The following LITAF variants were observed in gnomAD, a reference collection of about 807,000 sequenced individuals.
LITAF encodes lipopolysaccharide induced TNF factor.
A neutral mutation model predicts 14.5 loss-of-function variants in LITAF; 9 were observed. The observed-to-expected ratio is 0.62, with a 90% CI of 0.37 to 1.08. The LOEUF (loss-of-function observed/expected upper bound fraction) is 1.08, where lower values mean the gene tolerates loss of function less well. Among genes scored for constraint, LITAF ranks in the 50% least tolerant of loss-of-function variants. LITAF has a pLI of 0.01. For synonymous variants in LITAF, 98 were observed against 88.2 expected (o/e 1.11, Z -0.62); for missense variants, 206 against 213.4 (o/e 0.97, Z 0.22).
upstream of LITAF, among the ~76,000 whole-genome samples, chr16:11,638,513 C>T (rs2141917519): frequency 6.6e-6 from 1 of 151,784 alleles, no homozygotes; most frequent in African/African-American, 2.4e-5. Flanking sequence ...CCAGCCTGAC[C>T]AACATGATGA....
chr16:11,597,220 C>A (rs1023167427), intron 1 of LITAF, among the ~76,000 whole-genome samples: 1 of 152,130 alleles, frequency 6.6e-6, no homozygotes, highest in Non-Finnish European at 1.5e-5. Flanking sequence ...CCACAATAAA[C>A]AAGTACCCTG....
chr16:11,622,968 A>G (rs1290983509), intron 3 of LITAF, among the ~76,000 whole-genome samples: 2 of 79,194 alleles, frequency 2.5e-5, no homozygotes, highest in Non-Finnish European at 5.8e-5. Flanking sequence ...ATATATATAT[A>G]TATAATTTTT....
chr16:11,618,982 T>TA (rs1411165936), intron 3 of LITAF, among the ~76,000 whole-genome samples: 2,905 of 120,910 alleles, frequency 0.024, 84 homozygotes, highest in African/African-American at 0.1. Flanking sequence ...GACTCGGTCT[T>TA]AAAAAAAAAA....
chr16:11,588,343 T>A (rs957274796), upstream of LITAF, among the ~76,000 whole-genome samples: 9 of 151,906 alleles, frequency 5.9e-5, no homozygotes, highest in African/African-American at 1.9e-4. Context: ...AAAATTTTTT[T>A]AATTAAAAGA....
Position 11,549,641 on chromosome 16 carries a change from A to G in LITAF, c.482T>C (p.Leu161Ser). ...CCCTCCACGTCTGGCTGAGTCCTAC[A>G]AACGCTTGTAGGTGCCCAGGAGAGC... is the stretch of plus-strand genomic sequence containing the variant. ...CRALLGTYKR[L>S] The change falls in exon 4 of 4, where the codon TTG (leucine) becomes TCG (serine). Residue 161 changes from leucine (L) to serine (S), a missense_variant. Coordinates refer to ENST00000622633, the MANE Select transcript of LITAF (RefSeq NM_001136472.2). This position sits in a 1 kb window ranked among gnomAD's most constrained non-coding sequence, Gnocchi z 4.6. 1 of 1,612,454 alleles carries G rather than the reference A, an allele frequency of 6.2e-7. No homozygotes were observed. The highest frequency in any genetic ancestry group is 1.7e-4 in the Middle Eastern group (1 of 6,060).
At chr16:11,596,761 G>A (rs1230039393) in intron 1 of LITAF, among the ~76,000 whole-genome samples, 1 of 100,694 alleles carries the variant, frequency 9.9e-6, no homozygotes, top group Non-Finnish European at 2.0e-5. Context: ...GAGAAGAAGG[G>A]AGAGGAGGAG....
intron 1 of LITAF, among the ~76,000 whole-genome samples, chr16:11,597,435 C>G (rs976819661): frequency 3.3e-5 from 5 of 152,106 alleles, no homozygotes; most frequent in Non-Finnish European, 7.4e-5. Context: ...ACATAGGCCA[C>G]CAGACTCCTC....
chr16:11,591,847 C>G (rs2064848518), upstream of LITAF, among the ~76,000 whole-genome samples: 1 of 152,108 alleles, frequency 6.6e-6, no homozygotes. Context: ...CCTTGGCCTC[C>G]CAAAGTGCTG....
intron 2 of LITAF, among the ~76,000 whole-genome samples, chr16:11,555,094 A>G (rs2141709492): frequency 6.6e-6 from 1 of 152,136 alleles, no homozygotes; most frequent in African/African-American, 2.4e-5. Context: ...GTGCAGGGGT[A>G]CAATCATAGC....
chr16:11,615,447 G>A (rs1567264357), intron 3 of LITAF, among the ~76,000 whole-genome samples: 1 of 152,162 alleles, frequency 6.6e-6, no homozygotes, highest in Non-Finnish European at 1.5e-5. Context: ...TGAGGCAGGA[G>A]AATCGCTTGA....
At chr16:11,622,618 A>G (rs956207087) in intron 3 of LITAF, among the ~76,000 whole-genome samples, 7 of 152,224 alleles carry the variant, frequency 4.6e-5, no homozygotes, top group African/African-American at 1.7e-4. Flanking sequence ...GCACCGTTTA[A>G]CAGGGTTATT....
chr16:11,579,436 C>T (rs887202738), intron 1 of LITAF, among the ~76,000 whole-genome samples: 2 of 149,268 alleles, frequency 1.3e-5, no homozygotes, highest in Admixed American at 6.7e-5. Flanking sequence ...CCGGCCTGGG[C>T]GACAGAGCGA....
intron 3 of LITAF, among the ~76,000 whole-genome samples, chr16:11,618,331 C>T (rs149893757): frequency 5.9e-5 from 9 of 152,192 alleles, no homozygotes; most frequent in Non-Finnish European, 1.2e-4. Flanking sequence ...CCTGGCAAGG[C>T]GGGAGGAGAG....
At chr16:11,587,845 G>A (rs552912082), upstream of LITAF, among the ~76,000 whole-genome samples, 7 of 152,298 alleles carry the variant, frequency 4.6e-5, no homozygotes, top group South Asian at 1.4e-3. Context: ...AGTACACAGA[G>A]TCAGGAGATG....
chr16:11,629,839 C>G (rs974869333), intron 3 of LITAF, among the ~76,000 whole-genome samples: 14 of 152,146 alleles, frequency 9.2e-5, no homozygotes, highest in African/African-American at 3.4e-4. Flanking sequence ...TACGGATTAA[C>G]AAGGCCATGT....
chr16:11,597,999 T>C (rs1281814995), intron 1 of LITAF, among the ~76,000 whole-genome samples: 2 of 152,132 alleles, frequency 1.3e-5, no homozygotes, highest in African/African-American at 2.4e-5. Context: ...CTCTACCTCC[T>C]GAGCACAGCA....
intron 3 of LITAF, among the ~76,000 whole-genome samples, chr16:11,614,605 C>T (rs34323553): frequency 0.5 from 74,882 of 149,808 alleles, 19,537 homozygotes; most frequent in African/African-American, 0.66. Context: ...CAGGCTTTTT[C>T]TGGTTTTTTT....
intron 1 of LITAF, among the ~76,000 whole-genome samples, chr16:11,572,780 A>G (rs891666060): frequency 6.6e-6 from 1 of 152,212 alleles, no homozygotes; most frequent in African/African-American, 2.4e-5. Context: ...AAAACTGGTG[A>G]TGTCCAAATA....
intron 3 of LITAF, chr16:11,551,647 C>T (rs976794643): frequency 3.4e-6 from 2 of 585,478 alleles, no homozygotes; most frequent in Admixed American, 5.9e-5. Flanking sequence ...ATAGTAAAAC[C>T]CCTGCTTCCA....
Sources: allele counts gnomAD v4.1 joint callset (sites outside exome capture counted in the v4.1 genomes callset), GRCh38; gene constraint gnomAD v4.1.1; non-coding constraint Gnocchi (gnomAD v3.1); transcripts MANE v1.5; gene names NCBI Gene and HGNC (gene_info 2026-07-23, HGNC 2026-07-21).